The following KCNH7 variants were observed in gnomAD, a reference collection of about 807,000 sequenced individuals.
KCNH7 encodes the protein voltage-gated inwardly rectifying potassium channel KCNH7.
In KCNH7, 49 loss-of-function variants were observed where a neutral mutation model predicts 120.8. The observed-to-expected ratio is 0.41, with a 90% confidence interval of 0.32 to 0.51. The LOEUF (loss-of-function observed/expected upper bound fraction) is 0.51, where lower values mean the gene tolerates loss of function less well. Among genes scored for constraint, KCNH7 ranks in the 20% least tolerant of loss-of-function variants. The probability of loss-of-function intolerance (pLI) is 0.38; values close to 1 mark genes in which losing one functional copy is unlikely to be tolerated. For missense variants in KCNH7, 1,097 were observed against 1,446.6 expected (o/e 0.76, Z 3.92); for synonymous variants, 547 against 516.1 (o/e 1.06, Z -0.81).
intron 2 of KCNH7, among the ~76,000 whole-genome samples, chr2:162,716,311 A>G (rs1215188002): frequency 6.6e-6 from 1 of 152,140 alleles, no homozygotes; most frequent in Non-Finnish European, 1.5e-5. Flanking sequence ...GTTTTTTTGA[A>G]GTCTAGTCAC....
chr2:162,690,204 A>T (rs759070696), intron 2 of KCNH7, among the ~76,000 whole-genome samples: 3 of 152,102 alleles, frequency 2.0e-5, no homozygotes, highest in Non-Finnish European at 4.4e-5. Context: ...ACATAGAGGG[A>T]AACAACACAC....
intron 13 of KCNH7, among the ~76,000 whole-genome samples, chr2:162,383,695 T>C (rs1686491711): frequency 6.6e-6 from 1 of 152,034 alleles, no homozygotes; most frequent in Non-Finnish European, 1.5e-5. Context: ...TGCTTTATTA[T>C]GCCTTCCTAA....
At chr2:162,664,959 T>G (rs986740924) in intron 2 of KCNH7, among the ~76,000 whole-genome samples, 3 of 152,154 alleles carry the variant, frequency 2.0e-5, no homozygotes, top group Admixed American at 6.5e-5. Flanking sequence ...CTAGTTCAGA[T>G]GTGGAGATGT....
chr2:162,742,669 T>A (rs565699280), intron 2 of KCNH7, among the ~76,000 whole-genome samples: 1 of 152,318 alleles, frequency 6.6e-6, no homozygotes, highest in South Asian at 2.1e-4. Context: ...ACTTTAGGCC[T>A]TATCCTTTTC....
chr2:162,630,057 C>T (rs948207588), intron 2 of KCNH7, among the ~76,000 whole-genome samples: 2 of 151,948 alleles, frequency 1.3e-5, no homozygotes, highest in Admixed American at 1.3e-4. Flanking sequence ...AATAACTTAC[C>T]TAAATGAAAT....
intron 1 of KCNH7, among the ~76,000 whole-genome samples, chr2:162,837,864 C>T (rs1044259266): frequency 2.6e-5 from 4 of 152,058 alleles, no homozygotes; most frequent in African/African-American, 9.7e-5. Context: ...CCATTTGCAT[C>T]GGGAACCAGC....
intron 2 of KCNH7, among the ~76,000 whole-genome samples, chr2:162,748,888 TCCC>T (rs1448947360): frequency 1.5e-5 from 1 of 67,696 alleles, no homozygotes; most frequent in Non-Finnish European, 2.4e-5. Context: ...CCTCCCTCCC[TCCC>T]TTCTTTCCTT....
chr2:162,451,678 T>G (rs1357563206), intron 6 of KCNH7, among the ~76,000 whole-genome samples: 1 of 152,012 alleles, frequency 6.6e-6, no homozygotes, highest in Non-Finnish European at 1.5e-5. Flanking sequence ...CTGGAGTGGC[T>G]GGGTCTCTCT....
chr2:162,804,774 A>AT (rs1293633457), intron 2 of KCNH7, among the ~76,000 whole-genome samples: 1 of 151,714 alleles, frequency 6.6e-6, no homozygotes, highest in Non-Finnish European at 1.5e-5. Flanking sequence ...ACCAAAAAAA[A>AT]AAAAGAGACA....
At chr2:162,675,114 T>C (rs931741678) in intron 2 of KCNH7, among the ~76,000 whole-genome samples, 2 of 151,522 alleles carry the variant, frequency 1.3e-5, no homozygotes, top group African/African-American at 4.8e-5. Context: ...AGCAGATATT[T>C]TATAGAACAA....
At chr2:162,591,305 C>A (rs908574845) in intron 2 of KCNH7, among the ~76,000 whole-genome samples, 3 of 151,676 alleles carry the variant, frequency 2.0e-5, no homozygotes, top group Non-Finnish European at 2.9e-5. Context: ...AGTGCACAGA[C>A]TCTCCTTCAC....
intron 6 of KCNH7, among the ~76,000 whole-genome samples, chr2:162,469,752 G>A (rs988478867): frequency 1.3e-4 from 20 of 148,468 alleles, no homozygotes; most frequent in Non-Finnish European, 1.9e-4. Context: ...TCCCTCTGAT[G>A]CCGAGCTGAA....
intron 2 of KCNH7, among the ~76,000 whole-genome samples, chr2:162,568,700 T>A: frequency 6.6e-6 from 1 of 151,912 alleles, no homozygotes; most frequent in East Asian, 1.9e-4. Flanking sequence ...AAATACAAAA[T>A]ATATATAAGA....
intron 6 of KCNH7, among the ~76,000 whole-genome samples, chr2:162,461,429 TAA>T (rs1221416786): frequency 2.6e-5 from 4 of 152,226 alleles, no homozygotes; most frequent in Admixed American, 2.6e-4. Context: ...TATCTTACCA[TAA>T]ATACCCAATA....
At chr2:162,821,412 T>A (rs757359256) in intron 2 of KCNH7, among the ~76,000 whole-genome samples, 12 of 152,222 alleles carry the variant, frequency 7.9e-5, no homozygotes, top group Admixed American at 2.0e-4. Context: ...TTCTGACTCA[T>A]TTCTCCAGAT....
chr2:162,517,636 G>C, intron 4 of KCNH7, 94 bp downstream of exon 4: 7 of 1,070,650 alleles, frequency 6.5e-6, no homozygotes, highest in Non-Finnish European at 9.2e-6. Context: ...TTTCCCCAAT[G>C]CACAGAGATT....
At chr2:162,454,744 T>C (rs757708199) in intron 6 of KCNH7, among the ~76,000 whole-genome samples, 1 of 152,044 alleles carries the variant, frequency 6.6e-6, no homozygotes, top group Non-Finnish European at 1.5e-5. Flanking sequence ...TGCTTGTGTA[T>C]TGTTGGTGTA....
At chr2:162,650,804 T>A (rs1684538919) in intron 2 of KCNH7, among the ~76,000 whole-genome samples, 1 of 152,100 alleles carries the variant, frequency 6.6e-6, no homozygotes, top group African/African-American at 2.4e-5. Flanking sequence ...CCATATAATA[T>A]CTGATACGTA....
At chr2:162,782,723 C>G (rs905156965) in intron 2 of KCNH7, among the ~76,000 whole-genome samples, 1 of 152,148 alleles carries the variant, frequency 6.6e-6, no homozygotes, top group African/African-American at 2.4e-5. Context: ...GTTTCTGTTG[C>G]ACTATTCTGA....
Sources: gnomAD v4.1 joint callset for allele counts (sites outside exome capture counted in the v4.1 genomes callset) on GRCh38, gnomAD v4.1.1 for gene constraint, MANE v1.5 for transcripts, NCBI Gene and HGNC (gene_info 2026-07-23, HGNC 2026-07-21) for gene names.